Variants in GPAT3 observed in about 807,000 individuals in gnomAD.
The protein encoded by GPAT3 is glycerol-3-phosphate acyltransferase 3.
GPAT3 carries 53 observed loss-of-function variants against 58.8 expected under a neutral mutation model. The observed-to-expected ratio is 0.90, with a 90% CI of 0.72 to 1.13. GPAT3 has a LOEUF of 1.13. Among genes scored for constraint, GPAT3 ranks in the 50% most tolerant of loss-of-function variants. The pLI is 0.00. For missense variants in GPAT3, 511 were observed against 527.6 expected (o/e 0.97, Z 0.31); for synonymous variants, 197 against 187.4 (o/e 1.05, Z -0.42).
intron 3 of GPAT3, among the ~76,000 whole-genome samples, chr4:83,583,667 GA>G (rs749976752): frequency 0.012 from 287 of 23,474 alleles, no homozygotes; most frequent in African/African-American, 0.015. Context: ...ACTCTTGTCT[GA>G]AAAAAAAAAA....
At chr4:83,586,427 G>A (rs1016971772) in intron 3 of GPAT3, among the ~76,000 whole-genome samples, 3 of 152,136 alleles carry the variant, frequency 2.0e-5, no homozygotes, top group African/African-American at 7.2e-5. Flanking sequence ...TCAGCAACAC[G>A]TGTGTGCTCT....
intron 2 of GPAT3, among the ~76,000 whole-genome samples, chr4:83,554,739 A>C (rs1204295206): frequency 6.7e-6 from 1 of 148,884 alleles, no homozygotes; most frequent in Non-Finnish European, 1.5e-5. Flanking sequence ...ATACTTTCTG[A>C]TTCTCCTCTT....
chr4:83,538,449 C>T (rs1333771753), intron 1 of GPAT3, among the ~76,000 whole-genome samples: 1 of 152,218 alleles, frequency 6.6e-6, no homozygotes, highest in Non-Finnish European at 1.5e-5. Context: ...AATCCTCTCC[C>T]ATAGCAGATG....
intron 2 of GPAT3, among the ~76,000 whole-genome samples, chr4:83,567,106 A>T (rs894733637): frequency 1.3e-5 from 2 of 152,106 alleles, no homozygotes; most frequent in African/African-American, 4.8e-5. Context: ...TTCTTATTCA[A>T]CTTTGGTTTG....
Position 83,590,182 on chromosome 4 carries a change from ATTGT to A in GPAT3, c.645-12_645-9del, listed in dbSNP as rs954215189. 6.2e-7 allele frequency: 1 copy of A among 1,606,476 alleles called. No individual in the cohort carries two copies. Among genetic ancestry groups the A allele is most frequent in the Non-Finnish European group, 8.5e-7 (1 of 1,175,890 alleles). ...TATTTTAGAAGACTTCGAATTTTCC[ATTGT>A]TTGTAATTGCAGGCAGTACAGACCC... On this transcript the variant is annotated splice_polypyrimidine_tract_variant and intron_variant, in intron 5 of 11. Coordinates refer to ENST00000264409, the MANE Select transcript of GPAT3 (RefSeq NM_032717.5).
At chr4:83,593,166 C>CTTTTTT (rs761351611) in intron 6 of GPAT3, among the ~76,000 whole-genome samples, 6 of 112,358 alleles carry the variant, frequency 5.3e-5, no homozygotes, top group Non-Finnish European at 9.2e-5. Context: ...CGAGCCAGGA[C>CTTTTTT]TTTTTTTTTT....
At chr4:83,591,009 A>C (rs143013775) in intron 6 of GPAT3, among the ~76,000 whole-genome samples, 494 of 150,604 alleles carry the variant, frequency 3.3e-3, no homozygotes, top group Non-Finnish European at 5.2e-3. Context: ...CATGGTAGTT[A>C]AATATGCCTT....
At position 83,598,137 on chromosome 4, in the gene GPAT3, C is replaced by T. The variant is rs1726917989; in HGVS notation, c.1083C>T (p.Ala361=). ...TGCTTCGAATGATGACCAGCTGGGC[C>T]ATCGTCTGTGACGTGTGGTACATGC... ...SYLLRMMTSW[A]IVCDVWYMPP... The change falls in exon 10 of 12, where the codon GCC becomes GCT. Residue 361 remains alanine (A), a synonymous_variant. Transcript: ENST00000264409. 1.2e-6 allele frequency: 2 copies of T among 1,613,494 alleles called. No individual in the cohort carries two copies. Among genetic ancestry groups the T allele is most frequent in the Non-Finnish European group, 1.7e-6 (2 of 1,179,834 alleles).
chr4:83,581,688 T>G lies in GPAT3; in HGVS notation c.335T>G (p.Val112Gly), dbSNP rs766152452. The G allele has an allele frequency of 1.9e-6, 3 of 1,614,194 alleles. No homozygotes were observed. The highest frequency in any genetic ancestry group is 2.5e-6 in the Non-Finnish European group (3 of 1,180,026). ...TTGGAAGCCATTGTAGAAGATGAAG[T>G]GACCCAGAGGTTTTCCTCAGAGGAG... ...KGLEAIVEDEVTQRFSSEELV... is the reference protein window; with the variant it reads ...KGLEAIVEDEGTQRFSSEELV... The change falls in exon 3 of 12, where the codon GTG becomes GGG. Residue 112 changes from valine to glycine, a missense_variant. Transcript: ENST00000264409.
At chr4:83,575,187 C>G (rs1725761529) in intron 2 of GPAT3, among the ~76,000 whole-genome samples, 1 of 151,892 alleles carries the variant, frequency 6.6e-6, no homozygotes, top group Non-Finnish European at 1.5e-5. Context: ...ACGGACATTT[C>G]TTGATGCCAA....
chr4:83,585,001 TA>T (rs1726325286), intron 3 of GPAT3, among the ~76,000 whole-genome samples: 1 of 152,186 alleles, frequency 6.6e-6, no homozygotes, highest in Admixed American at 6.5e-5. Context: ...ACCCAATTGT[TA>T]AACATGTTAA....
At chr4:83,574,107 C>T (rs549803362) in intron 2 of GPAT3, among the ~76,000 whole-genome samples, 39 of 152,260 alleles carry the variant, frequency 2.6e-4, no homozygotes, top group Non-Finnish European at 4.9e-4. Context: ...TCACACAGAC[C>T]ACTTCAATCA....
chr4:83,540,354 C>T (rs17355265), intron 1 of GPAT3, among the ~76,000 whole-genome samples: 52,113 of 151,902 alleles, frequency 0.34, 9,834 homozygotes, highest in Middle Eastern at 0.5. Flanking sequence ...AGGACCATTT[C>T]GCTGACAGAG....
At chr4:83,597,294 G>A (rs985169963) in intron 8 of GPAT3, 136 bp from the exon 9 acceptor site, 13 of 521,556 alleles carry the variant, frequency 2.5e-5, no homozygotes, top group African/African-American at 1.0e-4. Flanking sequence ...GCAGGGGTTC[G>A]TTTGTGATAT....
chr4:83,593,292 G>A (rs1023671661), intron 6 of GPAT3, among the ~76,000 whole-genome samples: 5 of 150,598 alleles, frequency 3.3e-5, no homozygotes, highest in African/African-American at 4.9e-5. Context: ...AGCCTCCCAA[G>A]TAGCTGGGAT....
intron 2 of GPAT3, among the ~76,000 whole-genome samples, chr4:83,577,788 CTTTTTTTT>C (rs1185047521): frequency 9.7e-4 from 65 of 66,712 alleles, no homozygotes; most frequent in South Asian, 7.4e-3. Flanking sequence ...GTCATTGTGG[CTTTTTTTT>C]TTTTTTTTTT....
rs746096134 is a variant in GPAT3 at position 83,597,506 on chromosome 4, T to A, written c.987T>A (p.Val329=). The A allele has an allele frequency of 2.4e-5, 37 of 1,557,138 alleles. No individual in the cohort carries two copies. The Admixed American group carries it at 6.3e-4, about 27-fold the overall frequency. Residue 329 remains valine, a synonymous_variant, in exon 9 of 12, where the codon GTT becomes GTA. Coordinates refer to ENST00000264409, the MANE Select transcript of GPAT3 (RefSeq NM_032717.5). ...AAATTGGAGGAACCATACATCCAGT[T>A]GCAATTAAGGTAAAACAGATACCAT... The part of the protein sequence containing the change: ...SFEIGGTIHP[V]AIKYNPQFGD...
At chr4:83,568,204 C>T (rs1725475540) in intron 2 of GPAT3, among the ~76,000 whole-genome samples, 1 of 151,968 alleles carries the variant, frequency 6.6e-6, no homozygotes, top group Admixed American at 6.6e-5. Context: ...AATGTGCCAA[C>T]CCAGGCCATG....
chr4:83,602,259 CT>C (rs1448497426), intron 11 of GPAT3, among the ~76,000 whole-genome samples: 1 of 152,130 alleles, frequency 6.6e-6, no homozygotes, highest in Non-Finnish European at 1.5e-5. Context: ...CAAGAACAAC[CT>C]AGGGGAGTCA....
Sources: gnomAD v4.1 joint callset for allele counts (sites outside exome capture counted in the v4.1 genomes callset) on GRCh38, gnomAD v4.1.1 for gene constraint, MANE v1.5 for transcripts, NCBI Gene and HGNC (gene_info 2026-07-23, HGNC 2026-07-21) for gene names.